THSD7B: variants seen among roughly 807,000 people sequenced by gnomAD.
THSD7B encodes the protein thrombospondin type-1 domain-containing protein 7B.
In THSD7B, 138 loss-of-function variants were observed where a neutral mutation model predicts 213.6. The ratio of observed to expected loss-of-function variants is 0.65; its 90% CI spans 0.56 to 0.74. The LOEUF (loss-of-function observed/expected upper bound fraction) is 0.74. THSD7B is among the 30% of genes least tolerant of loss of function. The probability of loss-of-function intolerance (pLI) is 0.00; values close to 1 mark genes in which losing one functional copy is unlikely to be tolerated. For synonymous variants in THSD7B, 742 were observed against 687.0 expected, an observed-to-expected ratio of 1.08 and a Z score of -1.25; for missense variants, 1,931 against 1,991.5, an observed-to-expected ratio of 0.97 and a Z score of 0.58.
At position 136,852,228 on chromosome 2, in the gene THSD7B, C is replaced by T. The variant is rs530916935; in HGVS notation, c.-35-29916C>T. On this transcript the variant is annotated intron_variant, in intron 1 of 27. Transcript: ENST00000409968. ...AGAGATTCTGAGTAGGGAAAGGATT[C>T]TGAGTTATAAAGGGACATGTGGAAG... Among the ~76,000 whole-genome samples the T allele has an allele frequency of 2.0e-4, 30 of 151,834 alleles. No homozygotes were observed. In the East Asian group the frequency reaches 5.8e-3, roughly 29 times the overall value.
At chr2:136,837,664 T>A (rs901912163) in intron 1 of THSD7B, among the ~76,000 whole-genome samples, 1 of 152,220 alleles carries the variant, frequency 6.6e-6, no homozygotes, top group Non-Finnish European at 1.5e-5. Flanking sequence ...CGTGGCATTG[T>A]GTGTGTTATT....
At chr2:137,528,288 A>T (rs944221028) in intron 15 of THSD7B, among the ~76,000 whole-genome samples, 1 of 152,098 alleles carries the variant, frequency 6.6e-6, no homozygotes, top group Admixed American at 6.6e-5. Flanking sequence ...AGACAGCCCT[A>T]GACTTTAATT....
chr2:136,869,183 G>A (rs1209760993), intron 1 of THSD7B, among the ~76,000 whole-genome samples: 1 of 152,088 alleles, frequency 6.6e-6, no homozygotes, highest in African/African-American at 2.4e-5. Context: ...GGTGGAGTGG[G>A]ATATTCGTAA....
At chr2:136,933,886 A>C (rs932751660) in intron 2 of THSD7B, among the ~76,000 whole-genome samples, 23 of 152,318 alleles carry the variant, frequency 1.5e-4, no homozygotes, top group African/African-American at 5.5e-4. Flanking sequence ...ACTAAGAAAT[A>C]AGTGTAAAAC....
chr2:136,833,729 A>G (rs982389295), intron 1 of THSD7B, among the ~76,000 whole-genome samples: 1 of 152,148 alleles, frequency 6.6e-6, no homozygotes, highest in Non-Finnish European at 1.5e-5. Context: ...AATAATTTAG[A>G]CCATCATTAA....
At chr2:137,607,941 A>AT (rs1487150339) in intron 17 of THSD7B, among the ~76,000 whole-genome samples, 10 of 152,196 alleles carry the variant, frequency 6.6e-5, no homozygotes, top group Admixed American at 1.3e-4. Flanking sequence ...ATCTACTGAC[A>AT]TTTATGCATC....
chr2:137,415,103 A>G (rs1305988665), intron 14 of THSD7B, among the ~76,000 whole-genome samples: 1 of 151,866 alleles, frequency 6.6e-6, no homozygotes, highest in Non-Finnish European at 1.5e-5. Flanking sequence ...GACACAGGAT[A>G]ATGACCTAAA....
chr2:137,582,406 T>G (rs1320946124), intron 17 of THSD7B, among the ~76,000 whole-genome samples: 1 of 152,216 alleles, frequency 6.6e-6, no homozygotes, highest in African/African-American at 2.4e-5. Flanking sequence ...TTGTTACATA[T>G]GTATCCATGT....
rs545090595 is a variant in THSD7B, at chr2:137,010,856, C to T, written c.140-45564C>T. On this transcript the variant is annotated intron_variant, in intron 2 of 27. Transcript: ENST00000409968. The stretch of plus-strand genomic sequence containing the variant: ...AATTAAAATATCAATCAATCTCTCT[C>T]ACTATCTAATTTCAAGTAGTGGTAA... Among the ~76,000 whole-genome samples the T allele has an allele frequency of 4.6e-5, 7 of 152,284 alleles. No individual in the cohort carries two copies. In the East Asian group the frequency reaches 1.4e-3, roughly 29 times the overall value.
At chr2:137,568,983 A>G (rs1681298051) in intron 16 of THSD7B, among the ~76,000 whole-genome samples, 1 of 152,224 alleles carries the variant, frequency 6.6e-6, no homozygotes, top group Admixed American at 6.5e-5. Context: ...GGCAGATGTT[A>G]TTAAGGTGAG....
At chr2:137,183,065 T>G (rs1015048370) in intron 7 of THSD7B, among the ~76,000 whole-genome samples, 1 of 152,152 alleles carries the variant, frequency 6.6e-6, no homozygotes, top group African/African-American at 2.4e-5. Context: ...GTGGTATCAG[T>G]TAGTGGAAAT....
chr2:137,247,223 G>C (rs1682060192), intron 10 of THSD7B, among the ~76,000 whole-genome samples: 1 of 152,138 alleles, frequency 6.6e-6, no homozygotes, highest in South Asian at 2.1e-4. Context: ...CCTTTAAAGA[G>C]CCTTGCTGCA....
intron 27 of THSD7B, among the ~76,000 whole-genome samples, chr2:137,672,144 C>A (rs528527359): frequency 6.6e-6 from 1 of 151,818 alleles, no homozygotes; most frequent in Non-Finnish European, 1.5e-5. Context: ...ATTTATTGCC[C>A]GTGATTTTTA....
At chr2:137,336,195 G>A (rs1684636412) in intron 12 of THSD7B, among the ~76,000 whole-genome samples, 1 of 152,070 alleles carries the variant, frequency 6.6e-6, no homozygotes, top group African/African-American at 2.4e-5. Context: ...CATATTTTAG[G>A]ACTATTTATA....
At chr2:137,488,470 AATCTTT>A (rs199584588) in intron 15 of THSD7B, among the ~76,000 whole-genome samples, 3,029 of 152,246 alleles carry the variant, frequency 0.02, 96 homozygotes, top group African/African-American at 0.069. Flanking sequence ...AGGTTTTCTT[AATCTTT>A]AAGATTGGCC....
intron 15 of THSD7B, among the ~76,000 whole-genome samples, chr2:137,528,453 A>G (rs1299545416): frequency 3.3e-5 from 5 of 152,160 alleles, no homozygotes; most frequent in Non-Finnish European, 7.4e-5. Context: ...CAATAGAAGA[A>G]TAATAACTGC....
At chr2:136,905,009 TC>T (rs1269055923) in intron 2 of THSD7B, among the ~76,000 whole-genome samples, 2 of 152,328 alleles carry the variant, frequency 1.3e-5, no homozygotes, top group African/African-American at 4.8e-5. Flanking sequence ...ATCCACTACT[TC>T]CTTGGCTTTC....
At chr2:137,644,773 C>T (rs564894139) in intron 21 of THSD7B, among the ~76,000 whole-genome samples, 1 of 152,260 alleles carries the variant, frequency 6.6e-6, no homozygotes, top group Admixed American at 6.5e-5. Context: ...CTGCCAAACA[C>T]AAGTTGGGAT....
chr2:137,514,726 A>G (rs539930885), intron 15 of THSD7B, among the ~76,000 whole-genome samples: 1 of 152,258 alleles, frequency 6.6e-6, no homozygotes, highest in South Asian at 2.1e-4. Context: ...TAGTATGGAG[A>G]ACACTAATAG....
Sources: allele counts gnomAD v4.1 joint callset (sites outside exome capture counted in the v4.1 genomes callset), GRCh38; gene constraint gnomAD v4.1.1; transcripts MANE v1.5; gene names NCBI Gene and HGNC (gene_info 2026-07-23, HGNC 2026-07-21).